The following ATP9B variants were observed in gnomAD, a reference collection of about 807,000 sequenced individuals.
The protein encoded by ATP9B is ATPase phospholipid transporting 9B, also known as probable phospholipid-transporting ATPase IIB.
In ATP9B, 110 loss-of-function variants were observed where a neutral mutation model predicts 146.1. That is an observed-to-expected ratio of 0.75 (90% confidence interval 0.65 to 0.88). ATP9B has a LOEUF of 0.88. Ranked by LOEUF, ATP9B falls within the 40% of genes least tolerant of loss-of-function variation. ATP9B has a pLI of 0.00. For missense variants in ATP9B, 1,499 were observed against 1,496.4 expected (o/e 1.00, Z -0.03); for synonymous variants, 604 against 569.7 (o/e 1.06, Z -0.86).
At chr18:79,204,454 T>G (rs2095516612) in intron 9 of ATP9B, among the ~76,000 whole-genome samples, 1 of 152,230 alleles carries the variant, frequency 6.6e-6, no homozygotes, top group Non-Finnish European at 1.5e-5. Flanking sequence ...TTAAGTTCTT[T>G]TCCCTTGTAA....
chr18:79,361,788 CG>C (rs1444806056), intron 26 of ATP9B: 2 of 985,332 alleles, frequency 2.0e-6, no homozygotes, highest in Non-Finnish European at 2.4e-6. Flanking sequence ...GTCTGATGAT[CG>C]GGGCAGCTGG....
chr18:79,365,021 C>A (rs1181944523), intron 26 of ATP9B, among the ~76,000 whole-genome samples: 3 of 130,964 alleles, frequency 2.3e-5, no homozygotes, highest in Non-Finnish European at 4.9e-5. Flanking sequence ...CAGAGCGAGA[C>A]CTTGTCTCAA....
In ATP9B at chr18:79,303,642, C is replaced by T. The variant is rs1409607510; in HGVS notation, c.1450C>T (p.His484Tyr). The stretch of plus-strand genomic sequence containing the variant: ...GAATGAAATGATATTTAAGCGGCTG[C>T]ACCTGGGCACCGTGTCCTATGGCGC... ...TQNEMIFKRL[H>Y]LGTVSYGADT... Residue 484 changes from histidine to tyrosine, a missense_variant, in exon 14 of 30, where the codon CAC becomes TAC. Transcript: ENST00000426216. 6.2e-7 allele frequency: 1 copy of T among 1,613,930 alleles called. No individual in the cohort carries two copies. Among genetic ancestry groups the T allele is most frequent in the East Asian group, 2.2e-5 (1 of 44,886 alleles).
At chr18:79,285,479 G>A (rs304937) in intron 13 of ATP9B, among the ~76,000 whole-genome samples, 9,089 of 152,092 alleles carry the variant, frequency 0.06, 387 homozygotes, top group Non-Finnish European at 0.091. Flanking sequence ...TTTTTTTCTT[G>A]TAAATTTATT....
chr18:79,128,800 A>G (rs1421834708), intron 5 of ATP9B, among the ~76,000 whole-genome samples: 2 of 152,190 alleles, frequency 1.3e-5, no homozygotes, highest in Non-Finnish European at 2.9e-5. Context: ...ATTGAAAATC[A>G]AGCAGAAACT....
chr18:79,184,278 T>G (rs2095282609), intron 8 of ATP9B, among the ~76,000 whole-genome samples: 1 of 152,222 alleles, frequency 6.6e-6, no homozygotes, highest in African/African-American at 2.4e-5. Context: ...CACAAAGACC[T>G]AGCAGAGGGA....
At chr18:79,121,134 A>G (rs2094181704) in intron 4 of ATP9B, among the ~76,000 whole-genome samples, 1 of 152,236 alleles carries the variant, frequency 6.6e-6, no homozygotes, top group Admixed American at 6.5e-5. Flanking sequence ...AGTGTGTGGC[A>G]CATGATAAGC....
intron 9 of ATP9B, among the ~76,000 whole-genome samples, chr18:79,206,623 CATAAATAAATAAATAA>C (rs71161762): frequency 1.1e-3 from 165 of 147,092 alleles, no homozygotes; most frequent in Non-Finnish European, 2.0e-3. Context: ...AATAACACCT[CATAAATAAATAAATAA>C]ATAAATAAAT....
At chr18:79,124,106 C>G (rs201880001) in intron 4 of ATP9B, among the ~76,000 whole-genome samples, 1 of 152,056 alleles carries the variant, frequency 6.6e-6, no homozygotes, top group Non-Finnish European at 1.5e-5. Flanking sequence ...TTTGGCAGTT[C>G]CTCAAAATAC....
intron 11 of ATP9B, among the ~76,000 whole-genome samples, chr18:79,234,588 T>C (rs374212142): frequency 3.6e-5 from 5 of 138,780 alleles, no homozygotes; most frequent in Admixed American, 7.1e-5. Context: ...TTGCTGTGGG[T>C]GTGCTTGCTG....
intron 26 of ATP9B, among the ~76,000 whole-genome samples, chr18:79,365,661 G>A (rs2097022439): frequency 6.6e-6 from 1 of 151,418 alleles, no homozygotes; most frequent in East Asian, 1.9e-4. Flanking sequence ...CCCATGCGTG[G>A]ATGGAAGGAC....
chr18:79,375,460 G>T (rs1456099188), intron 29 of ATP9B, 34 bp downstream of exon 29: 14 of 1,603,808 alleles, frequency 8.7e-6, no homozygotes, highest in Non-Finnish European at 1.1e-5. Flanking sequence ...CAAAAGTGTA[G>T]AAATTTAGCC....
chr18:79,337,514 G>A (rs1446553914), intron 19 of ATP9B, 65 bp downstream of exon 19: 8 of 1,555,022 alleles, frequency 5.1e-6, no homozygotes, highest in African/African-American at 4.1e-5. Context: ...CTTTTCCTTG[G>A]GCATGGTGAT....
intron 26 of ATP9B, among the ~76,000 whole-genome samples, chr18:79,371,535 T>G (rs1403803910): frequency 6.6e-6 from 1 of 152,210 alleles, no homozygotes; most frequent in Non-Finnish European, 1.5e-5. Flanking sequence ...TCACCACACT[T>G]GTCTTTTATA....
intron 4 of ATP9B, chr18:79,117,891 T>C (rs1331706246): frequency 1.3e-5 from 2 of 152,248 alleles, no homozygotes; most frequent in Non-Finnish European, 2.9e-5. Context: ...ACTGTGTTTA[T>C]ATTTATCATT....
intron 17 of ATP9B, among the ~76,000 whole-genome samples, chr18:79,330,757 T>C (rs944987605): frequency 9.9e-5 from 15 of 152,216 alleles, no homozygotes; most frequent in African/African-American, 3.4e-4. Context: ...TTGTTTTGTG[T>C]GTGAGTGCGT....
chr18:79,111,398 A>T, intron 3 of ATP9B, among the ~76,000 whole-genome samples: 1 of 105,426 alleles, frequency 9.5e-6, no homozygotes. Flanking sequence ...TCCCACCCCC[A>T]CCTCATCCCC....
At chr18:79,177,931 T>C (rs941560172) in intron 8 of ATP9B, among the ~76,000 whole-genome samples, 1 of 152,210 alleles carries the variant, frequency 6.6e-6, no homozygotes, top group African/African-American at 2.4e-5. Flanking sequence ...ATACTATGCA[T>C]AATTTATATG....
chr18:79,322,478 G>A (rs562279770), intron 15 of ATP9B, among the ~76,000 whole-genome samples: 1 of 152,286 alleles, frequency 6.6e-6, no homozygotes, highest in East Asian at 1.9e-4. Context: ...GTAGGAGAGG[G>A]TTCTGACCCG....
Sources: gnomAD v4.1 joint callset for allele counts (sites outside exome capture counted in the v4.1 genomes callset) on GRCh38, gnomAD v4.1.1 for gene constraint, MANE v1.5 for transcripts, NCBI Gene and HGNC (gene_info 2026-07-23, HGNC 2026-07-21) for gene names.